The following MLXIPL variants were observed in gnomAD, a reference collection of about 807,000 sequenced individuals.
The protein encoded by MLXIPL is carbohydrate-responsive element-binding protein.
In MLXIPL, 49 loss-of-function variants were observed where a neutral mutation model predicts 81.5. The ratio of observed to expected loss-of-function variants is 0.60; its 90% CI spans 0.48 to 0.76. The LOEUF (loss-of-function observed/expected upper bound fraction) is 0.76. Among genes scored for constraint, MLXIPL ranks in the 30% least tolerant of loss-of-function variants. The pLI, the probability that MLXIPL is intolerant of heterozygous loss-of-function variation, is 0.00. For synonymous variants in MLXIPL, 466 were observed against 485.5 expected, an observed-to-expected ratio of 0.96 and a Z score of 0.53; for missense variants, 1,053 against 1,167.0, an observed-to-expected ratio of 0.90 and a Z score of 1.42.
At position 73,593,827 on chromosome 7, in the gene MLXIPL, C is replaced by T; in HGVS notation, c.*38G>A. Reference sequence around the variant, plus strand: ...GAGCCCGTGCCCAGGGAAAGCAGCCCCCAGGGCAGCTGAGTGAGCAGCAGG... The same window carrying T: ...GAGCCCGTGCCCAGGGAAAGCAGCCTCCAGGGCAGCTGAGTGAGCAGCAGG... On this transcript the variant is annotated 3_prime_UTR_variant, in exon 17 of 17. Coordinates refer to ENST00000313375, the MANE Select transcript of MLXIPL (RefSeq NM_032951.3). 6.4e-7 allele frequency: 1 copy of T among 1,560,932 alleles called. No individual in the cohort carries two copies. Among genetic ancestry groups the T allele is most frequent in the South Asian group, 1.1e-5 (1 of 89,908 alleles).
chr7:73,616,893 G>A (rs1412075033), intron 1 of MLXIPL, among the ~76,000 whole-genome samples: 2 of 151,920 alleles, frequency 1.3e-5, no homozygotes, highest in Non-Finnish European at 2.9e-5. Flanking sequence ...AGTCAGGGAG[G>A]AAAGGGGCAG....
intron 8 of MLXIPL, among the ~76,000 whole-genome samples, chr7:73,599,000 G>A (rs1423392389): frequency 4.6e-5 from 7 of 151,482 alleles, no homozygotes; most frequent in African/African-American, 9.7e-5. Context: ...CACGGGAGGC[G>A]GAGGTTACAG....
chr7:73,597,316 A>G lies in MLXIPL; in HGVS notation c.1469T>C (p.Met490Thr). The change falls in exon 9 of 17, where the codon ATG (methionine) becomes ACG (threonine). Residue 490 changes from methionine to threonine, a missense_variant. By Grantham distance (81) the Met-to-Thr change is moderately conservative. This residue lies in a region of MLXIPL where 823 missense variants were observed against 933.0 expected (regional missense o/e 0.88). Coordinates refer to ENST00000313375, the MANE Select transcript of MLXIPL (RefSeq NM_032951.3). Reference sequence around the variant, plus strand: ...TGGGGCGGGGGGCTTGCCTCTGGGCATGGAGAAGCAAGGCCCAAAGGCAGG... The same window carrying G: ...TGGGGCGGGGGGCTTGCCTCTGGGCGTGGAGAAGCAAGGCCCAAAGGCAGG... ...SEPAFGPCFS[M>T]PRGKPPAPSP... The G allele has an allele frequency of 6.8e-7, 1 of 1,466,014 alleles. No homozygotes were observed. The highest frequency in any genetic ancestry group is 9.1e-7 in the Non-Finnish European group (1 of 1,093,256). 90.8% of individuals were successfully genotyped at this position (1,466,014 alleles called of 1,614,324 possible). A position where few individuals can be genotyped will look rare whatever the true frequency, so the allele number is the denominator to read the frequency against.
At chr7:73,594,762 TG>T (rs1554593104) in intron 15 of MLXIPL, among the ~76,000 whole-genome samples, 1 of 151,840 alleles carries the variant, frequency 6.6e-6, no homozygotes, top group African/African-American at 2.4e-5. Flanking sequence ...TTGGTCAGGC[TG>T]GTCTCGAACT....
chr7:73,607,412 G>T lies in MLXIPL; in HGVS notation c.492C>A (p.Val164=). 1 of 1,557,472 alleles carries T rather than the reference G, an allele frequency of 6.4e-7. No individual in the cohort carries two copies. Among genetic ancestry groups the T allele is most frequent in the South Asian group, 1.2e-5 (1 of 84,598 alleles). Residue 164 remains valine (V), a synonymous_variant, in exon 4 of 17, where the codon GTC becomes GTA. Transcript: ENST00000313375. The stretch of plus-strand genomic sequence containing the variant: ...GCCGCTTCCAGTAGTTCCCCTCCAG[G>T]ACCACGGCCTGGGGTAGGGGCCGGG... ...ADAHRKPEAV[V]LEGNYWKRRI...
In MLXIPL at chr7:73,597,547, G is replaced by A. The variant is rs1794444610; in HGVS notation, c.1238C>T (p.Pro413Leu). The change falls in exon 9 of 17, where the codon CCT (proline) becomes CTT (leucine). Residue 413 changes from proline (P) to leucine (L), a missense_variant. By Grantham distance (98) the Pro-to-Leu change is moderately conservative. Coordinates refer to ENST00000313375, the MANE Select transcript of MLXIPL (RefSeq NM_032951.3). ...GGGTGGTGCCATGGGAGGGAAGGGA[G>A]GTGGGGGGCAGGGCTCCAGGCCTGG... The part of the protein sequence containing the change: ...KVPGLEPCPP[P>L]PFPPMAPPTA... 4 of 1,374,664 alleles carry A rather than the reference G, an allele frequency of 2.9e-6. No individual in the cohort carries two copies. The highest frequency in any genetic ancestry group is 3.8e-6 in the Non-Finnish European group (4 of 1,062,002). 85.2% of individuals were successfully genotyped at this position (1,374,664 alleles called of 1,614,324 possible).
chr7:73,601,176 A>AGTGTGTGT (rs55639253), intron 7 of MLXIPL, among the ~76,000 whole-genome samples: 5,454 of 137,586 alleles, frequency 0.04, 121 homozygotes, highest in African/African-American at 0.053. Flanking sequence ...TGCAGGGTCA[A>AGTGTGTGT]GTGTGTGTGT....
chr7:73,630,637 T>A, the MLXIPL span, among the ~76,000 whole-genome samples: 2 of 152,144 alleles, frequency 1.3e-5, no homozygotes, highest in African/African-American at 4.8e-5. Context: ...AAAACAACCT[T>A]TGCTGAAGGT....
rs782194889 is a variant in MLXIPL, at chr7:73,593,872, G to C, written c.2552C>G (p.Pro851Arg). Residue 851 changes from proline to arginine, a missense_variant, in exon 17 of 17, where the codon CCT (proline) becomes CGT (arginine). Physicochemically the swap from Pro to Arg is moderately radical, Grantham distance 103. Around this residue, in one of 3 missense-constraint regions of MLXIPL, gnomAD observed 823 missense variants for 933.0 expected, o/e 0.88. Transcript: ENST00000313375. ...AGCAGGGTCTGGCCAGGACTATAAA[G>C]GTTTGCCAAGGGTGCCCTCTGTGAC... ...RAVTEGTLGK[P>R]L The C allele has an allele frequency of 5.0e-6, 8 of 1,613,736 alleles. No individual in the cohort carries two copies. The highest frequency in any genetic ancestry group is 1.7e-5 in the Admixed American group (1 of 59,984).
upstream of MLXIPL, chr7:73,624,592 T>G (rs747758003): frequency 1.4e-6 from 2 of 1,400,106 alleles, no homozygotes; most frequent in Non-Finnish European, 1.8e-6. Flanking sequence ...CCCCACACCA[T>G]AGGCCGATCG....
At chr7:73,615,617 C>T (rs1454899049) in intron 2 of MLXIPL, among the ~76,000 whole-genome samples, 3 of 151,868 alleles carry the variant, frequency 2.0e-5, no homozygotes, top group Admixed American at 2.0e-4. Flanking sequence ...CTGGTCTCCC[C>T]CTAAAAGGCT....
chr7:73,603,803 A>G (rs1554597095), intron 7 of MLXIPL, among the ~76,000 whole-genome samples: 2 of 152,240 alleles, frequency 1.3e-5, no homozygotes, highest in East Asian at 3.8e-4. Flanking sequence ...TTGTGAAAAC[A>G]GAGACATTTG....
the MLXIPL span, among the ~76,000 whole-genome samples, chr7:73,632,162 T>A: frequency 1.3e-5 from 2 of 151,670 alleles, no homozygotes; most frequent in African/African-American, 4.8e-5. Context: ...TAAATTTTTT[T>A]ATTATTTATT....
chr7:73,624,587 C>G, upstream of MLXIPL: 2 of 1,403,016 alleles, frequency 1.4e-6, no homozygotes, highest in South Asian at 3.1e-5. Context: ...CCCGCCCCCA[C>G]ACCATAGGCC....
Position 73,596,526 on chromosome 7 carries a change from A to T in MLXIPL, c.1823-47T>A. 1 of 1,608,842 alleles carries T rather than the reference A, an allele frequency of 6.2e-7. No individual in the cohort carries two copies. Among genetic ancestry groups the T allele is most frequent in the Non-Finnish European group, 8.5e-7 (1 of 1,177,236 alleles). On this transcript the variant is annotated intron_variant, in intron 11 of 16. Coordinates refer to ENST00000313375, the MANE Select transcript of MLXIPL (RefSeq NM_032951.3). This position sits in a 1 kb window ranked among gnomAD's most constrained non-coding sequence, Gnocchi z 4.7. ...CCACAGAAAGACCGACCCAGGGGAA[A>T]GGGTCCCCATTGCCCCCTTCCTCTC...
the MLXIPL span, among the ~76,000 whole-genome samples, chr7:73,643,285 C>T: frequency 1.3e-5 from 2 of 152,172 alleles, no homozygotes; most frequent in South Asian, 2.1e-4. Flanking sequence ...GAGGCCGAGG[C>T]GGGCGGATCA....
chr7:73,625,482 C>T (rs1263940270), upstream of MLXIPL, among the ~76,000 whole-genome samples: 2 of 152,140 alleles, frequency 1.3e-5, no homozygotes, highest in Non-Finnish European at 2.9e-5. Context: ...GGTGGCCGGG[C>T]GCGGTGGCTC....
intron 7 of MLXIPL, among the ~76,000 whole-genome samples, chr7:73,603,713 C>T (rs1165267165): frequency 2.0e-5 from 3 of 152,186 alleles, no homozygotes; most frequent in African/African-American, 7.2e-5. Flanking sequence ...CACATAGCTC[C>T]GGGGGTCCCT....
In MLXIPL at chr7:73,593,758, GC is replaced by G; in HGVS notation, c.*106del. On this transcript the variant is annotated 3_prime_UTR_variant, in exon 17 of 17. Transcript: ENST00000313375. ...GCTCCACCCCCCAGGGAAGGGCAGA[GC>G]CAGGGCCTGGGGCAGGAAGGGAGTG... The G allele has an allele frequency of 9.7e-7, 1 of 1,030,246 alleles. No individual in the cohort carries two copies. Among genetic ancestry groups the G allele is most frequent in the Non-Finnish European group, 1.5e-6 (1 of 653,732 alleles). The allele number at this position is 1,030,246 out of a possible 1,614,324, so 63.8% of individuals were successfully genotyped here.
Sources: allele counts gnomAD v4.1 joint callset (sites outside exome capture counted in the v4.1 genomes callset), GRCh38; gene constraint gnomAD v4.1.1; regional missense constraint gnomAD v4.1.1; non-coding constraint Gnocchi (gnomAD v3.1); transcripts MANE v1.5; gene names NCBI Gene and HGNC (gene_info 2026-07-23, HGNC 2026-07-21).